EXOC6: variants seen among roughly 807,000 people sequenced by gnomAD.
EXOC6 encodes the protein SEC15-like 1.
EXOC6 carries 60 observed loss-of-function variants against 112.5 expected under a neutral mutation model. That is an observed-to-expected ratio of 0.53 (90% CI 0.43 to 0.66). The LOEUF is 0.66. Ranked by LOEUF, EXOC6 falls within the 30% of genes least tolerant of loss-of-function variation. EXOC6 has a pLI of 0.00. For synonymous variants in EXOC6, 295 were observed against 308.0 expected, an observed-to-expected ratio of 0.96 and a Z score of 0.44; for missense variants, 855 against 957.1, an observed-to-expected ratio of 0.89 and a Z score of 1.41.
rs1016243342 is a variant in EXOC6 at position 92,873,069 on chromosome 10, G to T, written c.102-20280G>T. Among the ~76,000 whole-genome samples, 4 of 151,960 alleles carry T rather than the reference G, an allele frequency of 2.6e-5. No individual in the cohort carries two copies. In the East Asian group the frequency reaches 7.7e-4, roughly 29 times the overall value. ...ACTTTTTGAATTAAAATTTATTTTC[G>T]CAATTCATTTTATCCTAGAGGACAA... On this transcript the variant is annotated intron_variant, in intron 1 of 21. Coordinates refer to ENST00000260762, the MANE Select transcript of EXOC6 (RefSeq NM_019053.6).
intron 1 of EXOC6, among the ~76,000 whole-genome samples, chr10:92,856,214 TC>T (rs1847594865): frequency 6.6e-6 from 1 of 151,876 alleles, no homozygotes; most frequent in South Asian, 2.1e-4. Context: ...TTTATTACTT[TC>T]TTTCTTCTGC....
intron 18 of EXOC6, among the ~76,000 whole-genome samples, chr10:92,991,435 C>CAAAAA (rs1449664701): frequency 8.2e-5 from 4 of 48,836 alleles, no homozygotes; most frequent in Admixed American, 2.2e-4. Flanking sequence ...GACTCCATCT[C>CAAAAA]AAAAAAAAAA....
chr10:92,874,268 A>C (rs1426569362), intron 1 of EXOC6, among the ~76,000 whole-genome samples: 1 of 152,156 alleles, frequency 6.6e-6, no homozygotes, highest in Non-Finnish European at 1.5e-5. Flanking sequence ...AAAAAACTAA[A>C]AGTGTGTAAA....
chr10:92,925,299 AT>A (rs1025568807), intron 8 of EXOC6, among the ~76,000 whole-genome samples: 2,327 of 146,740 alleles, frequency 0.016, 56 homozygotes, highest in African/African-American at 0.053. Flanking sequence ...AATTCCATAA[AT>A]TTTTTTTTTT....
At chr10:93,029,617 G>C (rs1481022326) in intron 20 of EXOC6, among the ~76,000 whole-genome samples, 1 of 152,130 alleles carries the variant, frequency 6.6e-6, no homozygotes, top group Non-Finnish European at 1.5e-5. Flanking sequence ...GTCTTTTGAT[G>C]AGGAGAAGTT....
intron 18 of EXOC6, among the ~76,000 whole-genome samples, chr10:92,975,924 G>T (rs1191902373): frequency 7.1e-6 from 1 of 140,590 alleles, no homozygotes; most frequent in Non-Finnish European, 1.6e-5. Flanking sequence ...GAGGTGGGGG[G>T]GTCAGCCCCC....
At chr10:92,863,396 C>T (rs113652002) in intron 1 of EXOC6, among the ~76,000 whole-genome samples, 1,531 of 152,300 alleles carry the variant, frequency 0.01, 29 homozygotes, top group African/African-American at 0.035. Context: ...TAGTTTCTTG[C>T]ATTTCATTTT....
intron 14 of EXOC6, among the ~76,000 whole-genome samples, chr10:92,949,594 CTT>C (rs35310204): frequency 8.5e-5 from 11 of 129,276 alleles, no homozygotes; most frequent in Admixed American, 2.4e-4. Context: ...CTGCTTGTGG[CTT>C]TTTTTTTTTT....
Position 92,912,543 on chromosome 10 carries a change from G to A in EXOC6, c.663+2912G>A, listed in dbSNP as rs569623214. Among the ~76,000 whole-genome samples, 650 of 152,278 alleles carry A rather than the reference G, an allele frequency of 4.3e-3. 3 individuals carry two copies. The highest frequency in any genetic ancestry group is 5.6e-3 in the Non-Finnish European group (379 of 68,010). On this transcript the variant is annotated intron_variant, in intron 6 of 21. Coordinates refer to ENST00000260762, the MANE Select transcript of EXOC6 (RefSeq NM_019053.6). The stretch of plus-strand genomic sequence containing the variant: ...GGTGAGATGGTCACATGGGGATGAA[G>A]TAATTCTTTAACATAACATCTATAG...
chr10:92,858,030 T>TGC (rs1847707190), intron 1 of EXOC6, among the ~76,000 whole-genome samples: 2 of 120,452 alleles, frequency 1.7e-5, no homozygotes, highest in Admixed American at 8.6e-5. Flanking sequence ...GTTCCCCCCC[T>TGC]CCGCCGGCCA....
intron 20 of EXOC6, among the ~76,000 whole-genome samples, chr10:93,034,732 A>G (rs1372730855): frequency 2.0e-5 from 3 of 152,236 alleles, no homozygotes; most frequent in Non-Finnish European, 2.9e-5. Context: ...ATGATGAGGA[A>G]GAAGGCACTT....
At chr10:92,889,091 A>G (rs1001066270) in intron 1 of EXOC6, among the ~76,000 whole-genome samples, 2 of 152,192 alleles carry the variant, frequency 1.3e-5, no homozygotes, top group Non-Finnish European at 2.9e-5. Flanking sequence ...CTTTGGTGTG[A>G]TAATTGAGTT....
intron 17 of EXOC6, among the ~76,000 whole-genome samples, chr10:92,972,301 C>G (rs1842331824): frequency 6.6e-6 from 1 of 152,066 alleles, no homozygotes; most frequent in African/African-American, 2.4e-5. Flanking sequence ...AGAAGGAATT[C>G]AAGGATGAGT....
chr10:92,979,889 A>C (rs1536330), intron 18 of EXOC6, among the ~76,000 whole-genome samples: 111,243 of 143,192 alleles, frequency 0.78, 44,416 homozygotes, highest in East Asian at 0.99. Flanking sequence ...AGAGGGAGAC[A>C]CTGTCTCAAA....
chr10:92,891,248 A>G (rs1241048782), intron 1 of EXOC6, among the ~76,000 whole-genome samples: 4 of 152,296 alleles, frequency 2.6e-5, no homozygotes, highest in Admixed American at 2.6e-4. Context: ...TTGGAGAGAT[A>G]TATGAGTTTG....
At chr10:92,952,517 T>C in intron 15 of EXOC6, 135 bp downstream of exon 15, 3 of 656,658 alleles carry the variant, frequency 4.6e-6, no homozygotes, top group East Asian at 5.6e-5. Context: ...TAGGGGCATA[T>C]TGTGTAATGC....
At chr10:92,944,872 A>G (rs1197695053) in intron 13 of EXOC6, among the ~76,000 whole-genome samples, 1 of 151,680 alleles carries the variant, frequency 6.6e-6, no homozygotes, top group Non-Finnish European at 1.5e-5. Flanking sequence ...TCCCAGGTTC[A>G]AGTGATTCTC....
At chr10:92,966,806 T>G (rs1181892074) in intron 17 of EXOC6, among the ~76,000 whole-genome samples, 3 of 148,720 alleles carry the variant, frequency 2.0e-5, no homozygotes, top group African/African-American at 7.5e-5. Context: ...ATATACCCAG[T>G]AATGGGATGG....
intron 7 of EXOC6, among the ~76,000 whole-genome samples, chr10:92,917,126 CT>C (rs1205196850): frequency 6.6e-6 from 1 of 151,932 alleles, no homozygotes; most frequent in Non-Finnish European, 1.5e-5. Flanking sequence ...CCATGCCCGG[CT>C]GGCTAATTTT....
Sources: allele counts gnomAD v4.1 joint callset (sites outside exome capture counted in the v4.1 genomes callset), GRCh38; gene constraint gnomAD v4.1.1; transcripts MANE v1.5; gene names NCBI Gene and HGNC (gene_info 2026-07-23, HGNC 2026-07-21).